The following PSD3 variants were observed in gnomAD, a reference collection of about 807,000 sequenced individuals.
The protein encoded by PSD3 is PH and SEC7 domain-containing protein 3.
Under a neutral mutation model 105.5 loss-of-function variants are expected in PSD3, and 49 were observed. The observed-to-expected ratio is 0.46, with a 90% CI of 0.37 to 0.59. The LOEUF is 0.59. PSD3 is among the 20% of genes least tolerant of loss of function. PSD3 has a pLI of 0.00. For synonymous variants in PSD3, 557 were observed against 457.8 expected (o/e 1.22, Z -2.77); for missense variants, 1,561 against 1,263.8 (o/e 1.24, Z -3.57).
chr8:18,987,125 AC>A (rs1346191815), intron 1 of PSD3, among the ~76,000 whole-genome samples: 1 of 152,142 alleles, frequency 6.6e-6, no homozygotes, highest in Non-Finnish European at 1.5e-5. Context: ...ATTTGGTAAA[AC>A]ATTTTCACTC....
intron 2 of PSD3, among the ~76,000 whole-genome samples, chr8:18,902,932 G>C (rs1563402103): frequency 1.3e-5 from 2 of 152,174 alleles, no homozygotes; most frequent in Non-Finnish European, 2.9e-5. Context: ...TAGGTGTCAG[G>C]TCTGACATGG....
At chr8:18,583,227 T>A (rs1802936068) in intron 12 of PSD3, among the ~76,000 whole-genome samples, 1 of 152,048 alleles carries the variant, frequency 6.6e-6, no homozygotes, top group Admixed American at 6.6e-5. Context: ...TCGCTTAAGT[T>A]GAGGAATTCA....
At chr8:18,685,972 A>G (rs1463850543) in intron 9 of PSD3, among the ~76,000 whole-genome samples, 1 of 152,214 alleles carries the variant, frequency 6.6e-6, no homozygotes, top group Admixed American at 6.5e-5. Context: ...ATGAGGAGTT[A>G]TAAACTATCT....
intron 2 of PSD3, among the ~76,000 whole-genome samples, chr8:18,891,174 C>T (rs888420397): frequency 1.3e-5 from 2 of 152,098 alleles, no homozygotes; most frequent in East Asian, 1.9e-4. Context: ...TATAAGGCAA[C>T]TCTAAGTAAC....
At chr8:19,064,942 C>T (rs79296043) in intron 1 of PSD3, among the ~76,000 whole-genome samples, 1 of 152,102 alleles carries the variant, frequency 6.6e-6, no homozygotes, top group Non-Finnish European at 1.5e-5. Flanking sequence ...GCACTAGGTC[C>T]CAACAGAACA....
rs1012494439 is a variant in PSD3 at position 19,077,341 on chromosome 8, C to T, written c.324+6865G>A. Among the ~76,000 whole-genome samples, 3 of 152,158 alleles carry T rather than the reference C, an allele frequency of 2.0e-5. No individual in the cohort carries two copies. The South Asian group carries it at 6.2e-4, about 32-fold the overall frequency. ...ATTGAAAGGTTAATGCAAAATCACACATCCTGAAAATTTAAAGTTAAATTC... is the reference window on the plus strand; with the variant it reads ...ATTGAAAGGTTAATGCAAAATCACATATCCTGAAAATTTAAAGTTAAATTC... On this transcript the variant is annotated intron_variant, in intron 1 of 1. Coordinates refer to the PSD3 transcript ENST00000521475.
At chr8:18,790,265 T>G (rs527887070) in intron 8 of PSD3, among the ~76,000 whole-genome samples, 1 of 152,200 alleles carries the variant, frequency 6.6e-6, no homozygotes, top group Non-Finnish European at 1.5e-5. Flanking sequence ...CAATTTACAA[T>G]TCATCATTTT....
intron 9 of PSD3, among the ~76,000 whole-genome samples, chr8:18,717,421 G>T (rs567013123): frequency 6.6e-5 from 10 of 152,010 alleles, no homozygotes; most frequent in African/African-American, 2.4e-4. Flanking sequence ...ATTTATTACT[G>T]TTATGAGGTC....
In PSD3 at chr8:19,035,585, T is replaced by C. The variant is rs140785245; in HGVS notation, c.324+48621A>G. Reference sequence around the variant, plus strand: ...TGTTTAAAGGCAGGTTCTTGTTATGTTGATCAGGCTGGTATCAAACTCTGG... The same window carrying C: ...TGTTTAAAGGCAGGTTCTTGTTATGCTGATCAGGCTGGTATCAAACTCTGG... On this transcript the variant is annotated intron_variant, in intron 1 of 1. Transcript: ENST00000521475. Among the ~76,000 whole-genome samples, 662 of 152,300 alleles carry C rather than the reference T, an allele frequency of 4.3e-3. 1 individual carries two copies. The highest frequency in any genetic ancestry group is 0.016 in the African/African-American group (646 of 41,546).
intron 9 of PSD3, among the ~76,000 whole-genome samples, chr8:18,672,363 G>A (rs897430894): frequency 2.0e-5 from 3 of 151,912 alleles, no homozygotes; most frequent in African/African-American, 7.3e-5. Context: ...AACAATCCCT[G>A]GGGGACTTTG....
At chr8:18,989,054 C>T (rs562377177) in intron 1 of PSD3, among the ~76,000 whole-genome samples, 36 of 152,292 alleles carry the variant, frequency 2.4e-4, no homozygotes, top group African/African-American at 8.4e-4. Context: ...TTTTTTCAGA[C>T]GGCCTCTATT....
At chr8:18,658,617 G>A (rs1809077416) in intron 9 of PSD3, among the ~76,000 whole-genome samples, 1 of 151,502 alleles carries the variant, frequency 6.6e-6, no homozygotes, top group Admixed American at 6.6e-5. Flanking sequence ...CAAAATCCTG[G>A]GCTCAAGGGA....
chr8:18,854,850 T>C (rs1815874704), intron 4 of PSD3, among the ~76,000 whole-genome samples: 1 of 150,730 alleles, frequency 6.6e-6, no homozygotes, highest in African/African-American at 2.4e-5. Flanking sequence ...TTTCTAGTTT[T>C]GTTTTTTCTG....
At chr8:18,944,017 A>C (rs1000574715) in intron 1 of PSD3, among the ~76,000 whole-genome samples, 2 of 152,108 alleles carry the variant, frequency 1.3e-5, no homozygotes, top group African/African-American at 2.4e-5. Context: ...TGAAGCTTAG[A>C]GCTTCCACGT....
intron 12 of PSD3, among the ~76,000 whole-genome samples, chr8:18,579,973 A>C (rs1802701949): frequency 6.6e-6 from 1 of 152,224 alleles, no homozygotes; most frequent in Non-Finnish European, 1.5e-5. Flanking sequence ...CTATGTGGAA[A>C]TTAATAAAAA....
At chr8:18,811,569 T>C (rs1401506875) in intron 4 of PSD3, among the ~76,000 whole-genome samples, 1 of 152,100 alleles carries the variant, frequency 6.6e-6, no homozygotes, top group African/African-American at 2.4e-5. Flanking sequence ...AATTTGGGGA[T>C]GAGGGTGGAA....
chr8:19,039,198 G>T (rs1321998036), intron 1 of PSD3, among the ~76,000 whole-genome samples: 1 of 152,098 alleles, frequency 6.6e-6, no homozygotes, highest in African/African-American at 2.4e-5. Flanking sequence ...ATATGCAAAG[G>T]TTAGAGCCTT....
At chr8:18,938,629 A>C (rs1366546168) in intron 1 of PSD3, among the ~76,000 whole-genome samples, 2 of 33,646 alleles carry the variant, frequency 5.9e-5, no homozygotes, top group African/African-American at 4.4e-4. Flanking sequence ...GTCTCAAACA[A>C]AAAAAAAAAA....
chr8:18,743,030 A>G (rs970978023), intron 9 of PSD3, among the ~76,000 whole-genome samples: 1 of 152,182 alleles, frequency 6.6e-6, no homozygotes, highest in African/African-American at 2.4e-5. Flanking sequence ...CTTTAGCTTT[A>G]GAAATAGTTT....
Sources: gnomAD v4.1 joint callset for allele counts (sites outside exome capture counted in the v4.1 genomes callset) on GRCh38, gnomAD v4.1.1 for gene constraint, MANE v1.5 for transcripts, NCBI Gene and HGNC (gene_info 2026-07-23, HGNC 2026-07-21) for gene names.